The following AFF1 variants were observed in gnomAD, a reference collection of about 807,000 sequenced individuals.
AFF1 encodes ALF transcription elongation factor 1, also known as AF4/FMR2 family member 1.
In AFF1, 48 loss-of-function variants were observed where a neutral mutation model predicts 121.7. The ratio of observed to expected loss-of-function variants is 0.39; its 90% CI spans 0.31 to 0.50. AFF1 has a LOEUF of 0.50. AFF1 is among the 20% of genes least tolerant of loss of function. The probability of loss-of-function intolerance (pLI) is 0.76; values close to 1 mark genes in which losing one functional copy is unlikely to be tolerated. For synonymous variants in AFF1, 613 were observed against 563.0 expected (o/e 1.09, Z -1.26); for missense variants, 1,523 against 1,511.7 (o/e 1.01, Z -0.12).
intron 2 of AFF1, among the ~76,000 whole-genome samples, chr4:86,981,536 T>G (rs1427740219): frequency 6.6e-6 from 1 of 151,968 alleles, no homozygotes; most frequent in Non-Finnish European, 1.5e-5. Context: ...GCCCAGCTAA[T>G]TTTTGTATTT....
chr4:87,100,631 T>C (rs1725341519), intron 8 of AFF1, among the ~76,000 whole-genome samples: 1 of 152,182 alleles, frequency 6.6e-6, no homozygotes, highest in Non-Finnish European at 1.5e-5. Flanking sequence ...GGGATATTTT[T>C]CGGCTCAGAG....
Position 86,979,894 on chromosome 4 carries a change from C to G in AFF1, c.38+31323C>G, listed in dbSNP as rs553845444. On this transcript the variant is annotated intron_variant, in intron 2 of 20. Coordinates refer to ENST00000395146, the MANE Select transcript of AFF1 (RefSeq NM_001166693.3). ...ACCCTTTGGTCAGCCAGGCTCACTTCTAGAAATCTATCTCCCTAGGAATCT... is the reference window on the plus strand; with the variant it reads ...ACCCTTTGGTCAGCCAGGCTCACTTGTAGAAATCTATCTCCCTAGGAATCT... Among the ~76,000 whole-genome samples, 383 of 152,326 alleles carry G rather than the reference C, an allele frequency of 2.5e-3. 2 individuals are homozygous for G. Among genetic ancestry groups the G allele is most frequent in the Non-Finnish European group, 4.3e-3 (291 of 68,022 alleles).
Position 86,960,342 on chromosome 4 carries a change from G to A in AFF1, c.38+11771G>A, listed in dbSNP as rs140512166. Among the ~76,000 whole-genome samples the A allele has an allele frequency of 5.8e-4, 89 of 152,260 alleles. 3 individuals carry two copies. The East Asian group carries it at 0.015, about 25-fold the overall frequency. On this transcript the variant is annotated intron_variant, in intron 2 of 20. Transcript: ENST00000395146. ...ATTGAAGTGCAGTGGGTTCCGCTGC[G>A]TTGTTACAGTAAAGTGGAACAGGGC...
At chr4:87,008,143 AT>A (rs1383091395) in intron 2 of AFF1, among the ~76,000 whole-genome samples, 1 of 152,156 alleles carries the variant, frequency 6.6e-6, no homozygotes, top group African/African-American at 2.4e-5. Flanking sequence ...GTGCGATTTT[AT>A]TTTAGTTTTG....
intron 4 of AFF1, among the ~76,000 whole-genome samples, chr4:87,063,459 G>A (rs891491660): frequency 6.6e-6 from 1 of 151,856 alleles, no homozygotes; most frequent in East Asian, 1.9e-4. Flanking sequence ...GGCTGTTCTC[G>A]AACTCCCAGC....
At chr4:87,023,998 G>T (rs1321973449) in intron 2 of AFF1, among the ~76,000 whole-genome samples, 3 of 152,108 alleles carry the variant, frequency 2.0e-5, no homozygotes, top group Non-Finnish European at 1.5e-5. Context: ...TTGATCTATG[G>T]TAATAGCAGT....
At chr4:87,083,377 A>G (rs1039833322) in intron 4 of AFF1, among the ~76,000 whole-genome samples, 1 of 152,220 alleles carries the variant, frequency 6.6e-6, no homozygotes, top group Admixed American at 6.5e-5. Flanking sequence ...ATATGCATGT[A>G]TGTATAAAGT....
At chr4:87,022,579 TATATCTATCTATA>T (rs1728064513) in intron 2 of AFF1, among the ~76,000 whole-genome samples, 1 of 89,134 alleles carries the variant, frequency 1.1e-5, no homozygotes, top group African/African-American at 5.2e-5. Flanking sequence ...TATATATATA[TATATCTATCTATA>T]TCTATCTGTG....
chr4:87,117,089 C>T (rs1727201630), intron 12 of AFF1, among the ~76,000 whole-genome samples: 1 of 152,106 alleles, frequency 6.6e-6, no homozygotes, highest in Non-Finnish European at 1.5e-5. Flanking sequence ...TACCAGGTGG[C>T]AATGTTAGAA....
intron 2 of AFF1, among the ~76,000 whole-genome samples, chr4:86,965,227 A>G (rs1367384329): frequency 6.6e-6 from 1 of 152,256 alleles, no homozygotes; most frequent in Non-Finnish European, 1.5e-5. Context: ...AGAATTATGT[A>G]AACAGTGATT....
chr4:87,049,261 G>T (rs558608744), intron 4 of AFF1, among the ~76,000 whole-genome samples: 18 of 152,246 alleles, frequency 1.2e-4, no homozygotes, highest in Non-Finnish European at 2.5e-4. Context: ...CTTGCTGCAG[G>T]ACAGATTAGT....
At chr4:87,039,394 C>T (rs1431163103) in intron 2 of AFF1, among the ~76,000 whole-genome samples, 3 of 152,168 alleles carry the variant, frequency 2.0e-5, no homozygotes, top group African/African-American at 7.2e-5. Context: ...GCTCTGAATT[C>T]CTCAGGATTT....
intron 2 of AFF1, chr4:86,950,036 G>C (rs950664388): frequency 1.9e-6 from 3 of 1,614,122 alleles, no homozygotes; most frequent in South Asian, 1.1e-5. Flanking sequence ...GTAGGTAGGG[G>C]GAGTGTAGAG....
At chr4:86,963,969 T>TTTTTTTTTTG (rs1722342130) in intron 2 of AFF1, among the ~76,000 whole-genome samples, 1 of 149,526 alleles carries the variant, frequency 6.7e-6, no homozygotes, top group Non-Finnish European at 1.5e-5. Flanking sequence ...ACTGGTTTTT[T>TTTTTTTTTTG]TTTTTTTTTT....
rs749854955 is a variant in AFF1, at chr4:87,114,809, G to A, written c.1976G>A (p.Arg659Gln). 13 of 1,613,388 alleles carry A rather than the reference G, an allele frequency of 8.1e-6. No homozygotes were observed. The Admixed American group carries it at 8.3e-5, about 10-fold the overall frequency. ...AAGGTGAAGACGAAAGGACGGCCCC[G>A]GGCCGCAGCAAGCAACGAACCCAAG... is the stretch of plus-strand genomic sequence containing the variant. ...KPKVKTKGRP[R>Q]AAASNEPKPA... Residue 659 changes from arginine to glutamine, a missense_variant, in exon 12 of 21, where the codon CGG (arginine) becomes CAG (glutamine). Arg to Gln is a conservative substitution (Grantham distance 43, BLOSUM62 1). This residue lies in a region of AFF1 where 905 missense variants were observed against 842.5 expected (regional missense o/e 1.07). Coordinates refer to ENST00000395146, the MANE Select transcript of AFF1 (RefSeq NM_001166693.3).
chr4:87,091,325 C>A (rs1404042171), intron 6 of AFF1, among the ~76,000 whole-genome samples: 7 of 152,168 alleles, frequency 4.6e-5, no homozygotes, highest in Non-Finnish European at 8.8e-5. Context: ...ATCGCTTGAA[C>A]CTGGGAGGCA....
At chr4:87,006,716 G>A (rs1411378735) in intron 2 of AFF1, among the ~76,000 whole-genome samples, 1 of 152,240 alleles carries the variant, frequency 6.6e-6, no homozygotes, top group Non-Finnish European at 1.5e-5. Context: ...GAGCGGCTGG[G>A]TACTGTGTAT....
chr4:87,035,964 A>G (rs1440359782), intron 2 of AFF1, among the ~76,000 whole-genome samples: 2 of 152,144 alleles, frequency 1.3e-5, no homozygotes, highest in Non-Finnish European at 2.9e-5. Context: ...GTGGTCCTTC[A>G]GGGTCAGTTG....
intron 1 of AFF1, among the ~76,000 whole-genome samples, chr4:86,946,953 A>G (rs1383968049): frequency 6.6e-6 from 1 of 152,164 alleles, no homozygotes; most frequent in African/African-American, 2.4e-5. Context: ...CCTCTACAGA[A>G]GTGTTATGAA....
Sources: allele counts gnomAD v4.1 joint callset (sites outside exome capture counted in the v4.1 genomes callset), GRCh38; gene constraint gnomAD v4.1.1; regional missense constraint gnomAD v4.1.1; transcripts MANE v1.5; gene names NCBI Gene and HGNC (gene_info 2026-07-23, HGNC 2026-07-21).